The following TCHP variants were observed in gnomAD, a reference collection of about 807,000 sequenced individuals.
TCHP encodes the protein trichoplein keratin filament binding, also known as trichoplein keratin filament-binding protein.
Under a neutral mutation model 88.7 loss-of-function variants are expected in TCHP, and 81 were observed. The observed-to-expected ratio is 0.91, with a 90% CI of 0.76 to 1.10. TCHP has a LOEUF of 1.10. TCHP is among the 50% of genes least tolerant of loss of function. The probability of loss-of-function intolerance (pLI) is 0.00; values close to 1 mark genes in which losing one functional copy is unlikely to be tolerated. For missense variants in TCHP, 641 were observed against 632.1 expected (o/e 1.01, Z -0.15); for synonymous variants, 232 against 232.5 (o/e 1.00, Z 0.02).
In TCHP at chr12:109,903,945, C is replaced by A. The variant is rs1173563864; in HGVS notation, c.197C>A (p.Ala66Asp). 6.2e-7 allele frequency: 1 copy of A among 1,606,256 alleles called. No individual in the cohort carries two copies. Among genetic ancestry groups the A allele is most frequent in the East Asian group, 2.2e-5 (1 of 44,710 alleles). ...GGCCCCCTCTCACCCAGCATGCATG[C>A]CTATCAGCGGGAGAAGATGAAGGAG... Reference protein sequence around the residue: ...SKTSYQRSMHAYQREKMKEEK... With the variant: ...SKTSYQRSMHDYQREKMKEEK... Residue 66 changes from alanine (A) to aspartate (D), a missense_variant, in exon 3 of 13, where the codon GCC becomes GAC. Coordinates refer to ENST00000405876, the MANE Select transcript of TCHP (RefSeq NM_001143852.2). The surrounding 1 kb of genome is among the most constrained non-coding windows in gnomAD (Gnocchi z 4.6).
At chr12:109,881,658 C>T in the TCHP span, among the ~76,000 whole-genome samples, 64 of 152,160 alleles carry the variant, frequency 4.2e-4, no homozygotes, top group African/African-American at 1.5e-3. Context: ...ACCTGGACAC[C>T]TTCTACTGGT....
chr12:109,901,683 G>A (rs1431884538), intron 1 of TCHP, among the ~76,000 whole-genome samples: 1 of 152,178 alleles, frequency 6.6e-6, no homozygotes, highest in Non-Finnish European at 1.5e-5. Flanking sequence ...TTGTTTCTCT[G>A]TAACCATTTG....
At chr12:109,883,428 G>T in the TCHP span, among the ~76,000 whole-genome samples, 1 of 152,216 alleles carries the variant, frequency 6.6e-6, no homozygotes, top group Admixed American at 6.5e-5. Flanking sequence ...GGCTGGGGAA[G>T]ATAAAGCTAA....
chr12:109,904,613 T>G, intron 3 of TCHP, 124 bp from the exon 4 acceptor site: 1 of 744,672 alleles, frequency 1.3e-6, no homozygotes, highest in East Asian at 2.6e-5. Flanking sequence ...GTTTGAACAG[T>G]GGTTGCAGTG....
At chr12:109,895,594 C>T (rs1231636147), upstream of TCHP, among the ~76,000 whole-genome samples, 1 of 152,106 alleles carries the variant, frequency 6.6e-6, no homozygotes, top group Non-Finnish European at 1.5e-5. Context: ...TTGAGCCCAC[C>T]TGTCTACTTC....
intron 6 of TCHP, 99 bp downstream of exon 6, chr12:109,907,798 G>A: frequency 7.4e-7 from 1 of 1,356,202 alleles, no homozygotes; most frequent in South Asian, 1.5e-5. Flanking sequence ...CCATAGCAGG[G>A]CTGAGATTCT....
chr12:109,886,433 C>A, the TCHP span, among the ~76,000 whole-genome samples: 1 of 152,072 alleles, frequency 6.6e-6, no homozygotes, highest in Non-Finnish European at 1.5e-5. Context: ...CCACCATGCC[C>A]GGCCTATTAT....
intron 8 of TCHP, among the ~76,000 whole-genome samples, chr12:109,910,661 G>A (rs542306026): frequency 6.6e-6 from 1 of 152,322 alleles, no homozygotes; most frequent in South Asian, 2.1e-4. Context: ...CCACCAAGGA[G>A]CATTTTGGTT....
At chr12:109,907,088 T>C (rs913315079) in intron 5 of TCHP, among the ~76,000 whole-genome samples, 1 of 152,190 alleles carries the variant, frequency 6.6e-6, no homozygotes, top group Non-Finnish European at 1.5e-5. Flanking sequence ...GGGGTCTTGC[T>C]CTGTTGCTCA....
intron 5 of TCHP, among the ~76,000 whole-genome samples, chr12:109,906,987 T>C (rs1053720809): frequency 6.6e-6 from 1 of 152,132 alleles, no homozygotes; most frequent in African/African-American, 2.4e-5. Flanking sequence ...CTGGCTGGGC[T>C]CAAGCAGTCC....
chr12:109,907,888 G>A (rs1158933696), intron 6 of TCHP, among the ~76,000 whole-genome samples, 189 bp downstream of exon 6: 2 of 152,242 alleles, frequency 1.3e-5, no homozygotes, highest in East Asian at 1.9e-4. Context: ...CCTCGTTTGC[G>A]TGCCTGAATT....
rs1870756726 is a variant in TCHP at position 109,915,459 on chromosome 12, G to A, written c.1377G>A (p.Glu459=). 1 of 1,610,726 alleles carries A rather than the reference G, an allele frequency of 6.2e-7. No homozygotes were observed. Among genetic ancestry groups the A allele is most frequent in the Non-Finnish European group, 8.5e-7 (1 of 1,176,726 alleles). The part of the protein sequence containing the change: ...WEADQQEEEE[E]EEARRVEQLS... ...CAGACCAGCAGGAGGAGGAGGAAGA[G>A]GAGGAGGCCCGGCGGGTCGAGCAGC... Residue 459 remains glutamate, a synonymous_variant, in exon 12 of 13, where the codon GAG becomes GAA. Transcript: ENST00000405876.
intron 4 of TCHP, 29 bp from the exon 5 acceptor site, chr12:109,906,543 A>C: frequency 6.2e-7 from 1 of 1,610,546 alleles, no homozygotes; most frequent in Non-Finnish European, 8.5e-7. Flanking sequence ...CTGGTGAGGA[A>C]ATTCACATCG....
chr12:109,906,435 C>T (rs2271320), intron 4 of TCHP, 137 bp from the exon 5 acceptor site: 70,833 of 675,184 alleles, frequency 0.1, 7,542 homozygotes, highest in African/African-American at 0.44. Context: ...CTCTACTAGA[C>T]GCCTGTGCCA....
intron 5 of TCHP, 65 bp from the exon 6 acceptor site, chr12:109,907,461 A>G (rs1870204668): frequency 1.3e-6 from 2 of 1,541,214 alleles, no homozygotes; most frequent in South Asian, 1.2e-5. Context: ...GAACGGCGGC[A>G]GGAAGCTAGG....
intron 8 of TCHP, among the ~76,000 whole-genome samples, 173 bp downstream of exon 8, chr12:109,909,110 T>C (rs908789278): frequency 6.6e-6 from 1 of 152,180 alleles, no homozygotes; most frequent in Non-Finnish European, 1.5e-5. Context: ...GGGAGTAGTG[T>C]CCATCATGTT....
At chr12:109,904,296 G>C in intron 3 of TCHP, 149 bp downstream of exon 3, 1 of 691,528 alleles carries the variant, frequency 1.4e-6, no homozygotes, top group South Asian at 1.9e-5. Context: ...AGGTCCTTGT[G>C]CAGGGACTGG....
At position 109,917,076 on chromosome 12, in the gene TCHP, G is replaced by A. The variant is rs1188387877; in HGVS notation, c.*453G>A. The A allele has an allele frequency of 6.5e-6, 1 of 154,260 alleles. No homozygotes were observed. 9.6% of individuals were successfully genotyped at this position (154,260 alleles called of 1,614,324 possible). On this transcript the variant is annotated 3_prime_UTR_variant, in exon 13 of 13. Coordinates refer to ENST00000405876, the MANE Select transcript of TCHP (RefSeq NM_001143852.2). ...TAGTCTATTAAAAACAAACCTAGAG[G>A]TCTTGGTGCAGTTGATTTCAGAGTT...
chr12:109,885,479 T>G, the TCHP span, among the ~76,000 whole-genome samples: 3,314 of 101,080 alleles, frequency 0.033, 136 homozygotes, highest in African/African-American at 0.16. Context: ...AATCTGATGG[T>G]TTTTTTTTTT....
Sources: allele counts gnomAD v4.1 joint callset (sites outside exome capture counted in the v4.1 genomes callset), GRCh38; gene constraint gnomAD v4.1.1; non-coding constraint Gnocchi (gnomAD v3.1); transcripts MANE v1.5; gene names NCBI Gene and HGNC (gene_info 2026-07-23, HGNC 2026-07-21).